Variants in GABBR2 observed in about 807,000 individuals in gnomAD.
GABBR2 encodes the protein gamma-aminobutyric acid type B receptor subunit 2, also known as G-protein coupled receptor 51.
In GABBR2, 23 loss-of-function variants were observed where a neutral mutation model predicts 105.6. The observed-to-expected ratio is 0.22, with a 90% CI of 0.16 to 0.31. The LOEUF is 0.31. Among genes scored for constraint, GABBR2 ranks in the 10% least tolerant of loss-of-function variants. The pLI is 1.00. For missense variants in GABBR2, 734 were observed against 1,245.5 expected (o/e 0.59, Z 6.18); for synonymous variants, 478 against 499.7 (o/e 0.96, Z 0.58).
At chr9:98,383,604 G>C (rs1832018304) in intron 11 of GABBR2, among the ~76,000 whole-genome samples, 1 of 152,122 alleles carries the variant, frequency 6.6e-6, no homozygotes, top group Admixed American at 6.5e-5. Context: ...TCAGTTACTG[G>C]GGACTCGACC....
Position 98,563,351 on chromosome 9 carries a change from T to C in GABBR2, c.459+14584A>G, listed in dbSNP as rs1828703933. On this transcript the variant is annotated intron_variant, in intron 2 of 18. Coordinates refer to ENST00000259455, the MANE Select transcript of GABBR2 (RefSeq NM_005458.8). The stretch of plus-strand genomic sequence containing the variant: ...TCGACTTCACAGAGAGAACAGTAAC[T>C]ATCAGGCAAGACTGCACTGAAGGAG... Among the ~76,000 whole-genome samples, 3 of 152,270 alleles carry C rather than the reference T, an allele frequency of 2.0e-5. No homozygotes were observed. The South Asian group carries it at 6.2e-4, about 32-fold the overall frequency.
intron 1 of GABBR2, among the ~76,000 whole-genome samples, chr9:98,592,737 C>G (rs1829164271): frequency 6.6e-6 from 1 of 152,120 alleles, no homozygotes; most frequent in South Asian, 2.1e-4. Flanking sequence ...CCTGAGAATC[C>G]ATAAGGGAAG....
chr9:98,457,434 T>A (rs1018604221), intron 6 of GABBR2, among the ~76,000 whole-genome samples: 2 of 152,232 alleles, frequency 1.3e-5, no homozygotes. Context: ...TAGTTTTGTT[T>A]TGTTTTGTGG....
Position 98,436,388 on chromosome 9 carries a change from T to G in GABBR2, c.1236+17593A>C, listed in dbSNP as rs1474158775. ...ATATATATATATATATATATATATA[T>G]ATATATATATATATATATAGTATGG... is the stretch of plus-strand genomic sequence containing the variant. On this transcript the variant is annotated intron_variant, in intron 7 of 18. Transcript: ENST00000259455. 4.0e-3 allele frequency among the ~76,000 whole-genome samples: 171 copies of G among 42,252 alleles called. 12 individuals are homozygous for G. Among genetic ancestry groups the G allele is most frequent in the African/African-American group, 0.014 (165 of 11,984 alleles). The allele number at this position is 42,252 out of a possible 152,430, so 27.7% of individuals were successfully genotyped here. A position where few individuals can be genotyped will look rare whatever the true frequency, so the allele number is the denominator to read the frequency against.
intron 6 of GABBR2, among the ~76,000 whole-genome samples, chr9:98,469,600 A>G (rs1484873721): frequency 6.6e-6 from 1 of 152,204 alleles, no homozygotes; most frequent in Admixed American, 6.5e-5. Context: ...CTACCTGGGT[A>G]ATCCAGGAAA....
intron 9 of GABBR2, among the ~76,000 whole-genome samples, chr9:98,393,802 AGAG>A (rs1424981183): frequency 2.0e-5 from 3 of 152,384 alleles, no homozygotes; most frequent in East Asian, 3.9e-4. Flanking sequence ...GTTCTCTAGC[AGAG>A]GAGAAGAAAT....
At chr9:98,685,594 A>T (rs337526) in intron 1 of GABBR2, among the ~76,000 whole-genome samples, 108,484 of 152,198 alleles carry the variant, frequency 0.71, 39,714 homozygotes, top group Middle Eastern at 0.85. Context: ...CCCCACTAGA[A>T]TATCAGCTCC....
intron 3 of GABBR2, among the ~76,000 whole-genome samples, chr9:98,510,448 A>G (rs531486850): frequency 1.1e-4 from 17 of 152,340 alleles, no homozygotes; most frequent in Non-Finnish European, 1.6e-4. Flanking sequence ...AATGGGCTAA[A>G]TGCTCCAATT....
intron 3 of GABBR2, among the ~76,000 whole-genome samples, chr9:98,518,108 C>G (rs1249388228): frequency 6.6e-6 from 1 of 152,150 alleles, no homozygotes; most frequent in Non-Finnish European, 1.5e-5. Flanking sequence ...TGGTTAGAGC[C>G]CGTGTGAAGC....
chr9:98,582,895 A>T (rs892848246), intron 1 of GABBR2, among the ~76,000 whole-genome samples: 4 of 152,202 alleles, frequency 2.6e-5, no homozygotes, highest in Admixed American at 6.5e-5. Context: ...TCTCATTTTC[A>T]GATGCAGAGA....
intron 1 of GABBR2, among the ~76,000 whole-genome samples, chr9:98,632,447 G>A (rs1449811052): frequency 6.6e-6 from 1 of 152,178 alleles, no homozygotes; most frequent in African/African-American, 2.4e-5. Context: ...CCCTTGAGTG[G>A]TGGGTTCTGT....
chr9:98,361,910 G>T (rs776409571), intron 13 of GABBR2, among the ~76,000 whole-genome samples: 4 of 152,214 alleles, frequency 2.6e-5, no homozygotes, highest in Non-Finnish European at 5.9e-5. Flanking sequence ...AAGATAAAAG[G>T]CTCTGCCCTC....
At chr9:98,437,873 C>CTATCTA (rs1186834125) in intron 7 of GABBR2, among the ~76,000 whole-genome samples, 1 of 151,582 alleles carries the variant, frequency 6.6e-6, no homozygotes, top group African/African-American at 2.4e-5. Context: ...ATCCGTCCAT[C>CTATCTA]TATCTATGCA....
In GABBR2 at chr9:98,568,707, A is replaced by C. The variant is rs569498715; in HGVS notation, c.459+9228T>G. On this transcript the variant is annotated intron_variant, in intron 2 of 18. Coordinates refer to ENST00000259455, the MANE Select transcript of GABBR2 (RefSeq NM_005458.8). ...CTGCCCCACAGCCCTGTGTCCTAGG[A>C]ATGCTGTTGCCATGGCCACCATGGG... 2.6e-5 allele frequency among the ~76,000 whole-genome samples: 4 copies of C among 152,280 alleles called. No individual in the cohort carries two copies. The South Asian group carries it at 8.3e-4, about 32-fold the overall frequency.
intron 13 of GABBR2, among the ~76,000 whole-genome samples, chr9:98,314,010 C>T (rs1011725726): frequency 6.6e-6 from 1 of 152,128 alleles, no homozygotes; most frequent in Non-Finnish European, 1.5e-5. Flanking sequence ...GCTTGATTTG[C>T]CTTTCGCTGT....
chr9:98,604,760 T>C (rs1829387798), intron 1 of GABBR2, among the ~76,000 whole-genome samples: 1 of 152,208 alleles, frequency 6.6e-6, no homozygotes, highest in Admixed American at 6.5e-5. Context: ...TTGATAGTCA[T>C]CTGTAACACT....
intron 2 of GABBR2, among the ~76,000 whole-genome samples, chr9:98,574,507 C>T (rs746728179): frequency 6.6e-6 from 1 of 152,208 alleles, no homozygotes; most frequent in Non-Finnish European, 1.5e-5. Flanking sequence ...GCCTTCAAAT[C>T]CTCCAGCTGG....
At chr9:98,637,109 T>C (rs1308726395) in intron 1 of GABBR2, among the ~76,000 whole-genome samples, 1 of 152,190 alleles carries the variant, frequency 6.6e-6, no homozygotes, top group Non-Finnish European at 1.5e-5. Context: ...TTTCATCTGA[T>C]ATCGAACTGA....
intron 11 of GABBR2, among the ~76,000 whole-genome samples, chr9:98,380,746 A>G (rs3780421): frequency 0.21 from 31,384 of 152,188 alleles, 5,103 homozygotes; most frequent in African/African-American, 0.45. Flanking sequence ...GAGAAACTGC[A>G]TCCCTAGGAG....
Sources: gnomAD v4.1 joint callset for allele counts (sites outside exome capture counted in the v4.1 genomes callset) on GRCh38, gnomAD v4.1.1 for gene constraint, MANE v1.5 for transcripts, NCBI Gene and HGNC (gene_info 2026-07-23, HGNC 2026-07-21) for gene names.